TRAPPC6B: variants seen among roughly 807,000 people sequenced by gnomAD.
The protein encoded by TRAPPC6B is trafficking protein particle complex subunit 6B, also known as TRAPP complex subunit 6B.
TRAPPC6B carries 27 observed loss-of-function variants against 24.7 expected under a neutral mutation model. The ratio of observed to expected loss-of-function variants is 1.09; its 90% CI spans 0.81 to 1.51. The LOEUF (loss-of-function observed/expected upper bound fraction) is 1.51, where lower values mean the gene tolerates loss of function less well. Ranked by LOEUF, TRAPPC6B falls within the 40% of genes most tolerant of loss-of-function variation. TRAPPC6B has a pLI of 0.00. For synonymous variants in TRAPPC6B, 80 were observed against 66.6 expected (o/e 1.20, Z -0.98); for missense variants, 212 against 190.8 (o/e 1.11, Z -0.66).
chr14:39,151,017 T>C (rs1277717996), intron 5 of TRAPPC6B, among the ~76,000 whole-genome samples: 1 of 152,150 alleles, frequency 6.6e-6, no homozygotes, highest in African/African-American at 2.4e-5. Context: ...AAAAGATCTT[T>C]AGGGAGACAT....
Sources: allele counts gnomAD v4.1 joint callset (sites outside exome capture counted in the v4.1 genomes callset), GRCh38; gene constraint gnomAD v4.1.1; transcripts MANE v1.5; gene names NCBI Gene and HGNC (gene_info 2026-07-23, HGNC 2026-07-21).